The following SPMIP3 variants were observed in gnomAD, a reference collection of about 807,000 sequenced individuals.
The protein encoded by SPMIP3 is sperm microtubule inner protein 3.
chr1:244,371,942 T>C, the SPMIP3 span, among the ~76,000 whole-genome samples: 1 of 152,230 alleles, frequency 6.6e-6, no homozygotes, highest in African/African-American at 2.4e-5. Flanking sequence ...TCCCAGCCAC[T>C]GGGCAGGCCC....
the SPMIP3 span, among the ~76,000 whole-genome samples, chr1:244,388,450 ATATACGTAT>A: frequency 6.6e-6 from 1 of 150,552 alleles, no homozygotes; most frequent in African/African-American, 2.4e-5. Context: ...TGTTTTTACC[ATATACGTAT>A]CTATTCCTAA....
At chr1:244,358,099 A>G in the SPMIP3 span, among the ~76,000 whole-genome samples, 2 of 151,694 alleles carry the variant, frequency 1.3e-5, no homozygotes, top group African/African-American at 2.4e-5. Flanking sequence ...GCATGGTGGT[A>G]CACGCCTGTA....
At chr1:244,367,260 C>T in the SPMIP3 span, among the ~76,000 whole-genome samples, 1 of 152,132 alleles carries the variant, frequency 6.6e-6, no homozygotes, top group Non-Finnish European at 1.5e-5. Context: ...TGCTATTATA[C>T]ATGCAATGGG....
At chr1:244,378,227 G>C in the SPMIP3 span, among the ~76,000 whole-genome samples, 3 of 152,092 alleles carry the variant, frequency 2.0e-5, no homozygotes, top group African/African-American at 7.2e-5. Context: ...AGTGTGATAC[G>C]CATCACCTCC....
chr1:244,355,462 A>G, the SPMIP3 span, among the ~76,000 whole-genome samples: 1 of 150,288 alleles, frequency 6.7e-6, no homozygotes, highest in Admixed American at 6.6e-5. Flanking sequence ...ATCTCGGCTC[A>G]CTGCAACCTC....
At chr1:244,381,331 C>T in the SPMIP3 span, among the ~76,000 whole-genome samples, 2 of 152,140 alleles carry the variant, frequency 1.3e-5, no homozygotes, top group African/African-American at 4.8e-5. Flanking sequence ...TCTAGGTGCG[C>T]CTCCAGTTTC....
the SPMIP3 span, chr1:244,389,136 G>A: frequency 2.6e-6 from 3 of 1,158,874 alleles, no homozygotes; most frequent in Non-Finnish European, 3.8e-6. Flanking sequence ...GTTAATGGCA[G>A]CAGAACTACT....
At chr1:244,357,828 G>A in the SPMIP3 span, among the ~76,000 whole-genome samples, 6 of 151,976 alleles carry the variant, frequency 3.9e-5, no homozygotes, top group South Asian at 2.1e-4. Context: ...CTGTAATCCC[G>A]GCACTTTGGG....
the SPMIP3 span, among the ~76,000 whole-genome samples, chr1:244,353,519 A>G: frequency 6.6e-6 from 1 of 152,234 alleles, no homozygotes; most frequent in Admixed American, 6.5e-5. Flanking sequence ...AAATCAATTC[A>G]GAAACCAATA....
chr1:244,375,504 C>A, the SPMIP3 span: 1 of 1,541,876 alleles, frequency 6.5e-7, no homozygotes. Context: ...CCAAGAATGT[C>A]ACGAAAGCTA....
At chr1:244,367,321 G>A in the SPMIP3 span, among the ~76,000 whole-genome samples, 1 of 152,148 alleles carries the variant, frequency 6.6e-6, no homozygotes, top group Non-Finnish European at 1.5e-5. Context: ...CTTTTATGAA[G>A]CTCACTCTGA....
At chr1:244,370,098 C>A in the SPMIP3 span, among the ~76,000 whole-genome samples, 1 of 152,216 alleles carries the variant, frequency 6.6e-6, no homozygotes, top group African/African-American at 2.4e-5. Flanking sequence ...AAGGGAAATT[C>A]CGCCGAGGAC....
chr1:244,354,387 C>CG, the SPMIP3 span, among the ~76,000 whole-genome samples: 1 of 143,248 alleles, frequency 7.0e-6, no homozygotes, highest in South Asian at 2.2e-4. Flanking sequence ...GTTGGAGTCT[C>CG]GCTCTGTCAC....
the SPMIP3 span, among the ~76,000 whole-genome samples, chr1:244,369,791 G>C: frequency 6.3e-5 from 9 of 142,266 alleles, no homozygotes; most frequent in Admixed American, 6.2e-4. Flanking sequence ...CTGTTTGCAT[G>C]GCACGTGAAG....
chr1:244,367,065 T>C, the SPMIP3 span, among the ~76,000 whole-genome samples: 8 of 151,634 alleles, frequency 5.3e-5, no homozygotes, highest in African/African-American at 1.5e-4. Flanking sequence ...TGCTGGGTGA[T>C]AGGGGCAGGG....
chr1:244,355,295 C>A, the SPMIP3 span, among the ~76,000 whole-genome samples: 1 of 152,200 alleles, frequency 6.6e-6, no homozygotes, highest in South Asian at 2.1e-4. Context: ...TTCTTCCCCA[C>A]CCCTTTCTAC....
chr1:244,387,666 T>C, the SPMIP3 span, among the ~76,000 whole-genome samples: 83 of 152,292 alleles, frequency 5.5e-4, 1 homozygote, highest in South Asian at 0.016. Context: ...AGATAAGGTG[T>C]AAAGTGTTTT....
At chr1:244,378,406 C>CGAGAAAA in the SPMIP3 span, 1 of 1,492,732 alleles carries the variant, frequency 6.7e-7, no homozygotes, top group South Asian at 1.3e-5. Flanking sequence ...TTCCAGCTGA[C>CGAGAAAA]GAGAAAATGG....
At chr1:244,388,010 C>T in the SPMIP3 span, among the ~76,000 whole-genome samples, 1 of 151,868 alleles carries the variant, frequency 6.6e-6, no homozygotes, top group African/African-American at 2.4e-5. Flanking sequence ...TCACTGCAAC[C>T]TCCGCCTCCC....
Sources: allele counts gnomAD v4.1 joint callset (sites outside exome capture counted in the v4.1 genomes callset), GRCh38; gene constraint gnomAD v4.1.1; transcripts MANE v1.5; gene names NCBI Gene and HGNC (gene_info 2026-07-23, HGNC 2026-07-21).